LARGE1: variants seen among roughly 807,000 people sequenced by gnomAD.
LARGE1 encodes the protein LARGE xylosyl- and glucuronyltransferase 1, also known as xylosyl- and glucuronyltransferase LARGE1.
Under a neutral mutation model 87.6 loss-of-function variants are expected in LARGE1, and 43 were observed. The ratio of observed to expected loss-of-function variants is 0.49; its 90% confidence interval spans 0.38 to 0.63. The LOEUF is 0.63. LARGE1 is among the 30% of genes least tolerant of loss of function. The pLI is 0.00. For missense variants in LARGE1, 802 were observed against 1,000.2 expected (o/e 0.80, Z 2.67); for synonymous variants, 434 against 394.6 (o/e 1.10, Z -1.18).
intron 11 of LARGE1, among the ~76,000 whole-genome samples, chr22:33,184,446 CT>C (rs1208829176): frequency 6.6e-6 from 1 of 151,316 alleles, no homozygotes; most frequent in East Asian, 1.9e-4. Flanking sequence ...TAAAGTAGTT[CT>C]TTACAAAGTT....
At chr22:33,640,333 T>G (rs183629812) in intron 3 of LARGE1, among the ~76,000 whole-genome samples, 3 of 152,300 alleles carry the variant, frequency 2.0e-5, no homozygotes, top group African/African-American at 7.2e-5. Flanking sequence ...GTGCATCTAT[T>G]GGAGGTTCTG....
the LARGE1 span, among the ~76,000 whole-genome samples, chr22:33,156,528 T>C: frequency 1.3e-5 from 2 of 152,208 alleles, no homozygotes; most frequent in African/African-American, 2.4e-5. Context: ...GGACAATTTC[T>C]CCCATTTGGA....
chr22:33,600,121 C>T (rs1030791801), intron 5 of LARGE1, among the ~76,000 whole-genome samples: 3 of 152,110 alleles, frequency 2.0e-5, no homozygotes, highest in Non-Finnish European at 2.9e-5. Context: ...GATAAAGAAA[C>T]GTGAATTCCT....
chr22:33,508,252 G>A (rs1233846622), intron 6 of LARGE1, among the ~76,000 whole-genome samples: 1 of 152,106 alleles, frequency 6.6e-6, no homozygotes, highest in East Asian at 1.9e-4. Context: ...GACTCTACTG[G>A]TGGGTGTCAC....
intron 11 of LARGE1, among the ~76,000 whole-genome samples, chr22:33,214,871 G>A (rs943294766): frequency 1.3e-5 from 2 of 152,124 alleles, no homozygotes; most frequent in Non-Finnish European, 2.9e-5. Flanking sequence ...GCCTCAGCTG[G>A]GACAGCTGAG....
intron 2 of LARGE1, among the ~76,000 whole-genome samples, chr22:33,678,350 C>T (rs1224667152): frequency 1.3e-5 from 2 of 152,120 alleles, no homozygotes; most frequent in East Asian, 3.8e-4. Flanking sequence ...AAGAATTTGA[C>T]CATATATTCT....
chr22:33,086,635 C>T, the LARGE1 span, among the ~76,000 whole-genome samples: 1 of 150,138 alleles, frequency 6.7e-6, no homozygotes, highest in Non-Finnish European at 1.5e-5. Context: ...TCATTGCAAC[C>T]TCTGCCTCCC....
chr22:33,071,252 T>A, the LARGE1 span, among the ~76,000 whole-genome samples: 1 of 152,162 alleles, frequency 6.6e-6, no homozygotes, highest in Non-Finnish European at 1.5e-5. Flanking sequence ...AGACCCCACT[T>A]TGGGAAGAGG....
At chr22:33,185,625 G>C (rs1384122348) in intron 11 of LARGE1, among the ~76,000 whole-genome samples, 1 of 152,134 alleles carries the variant, frequency 6.6e-6, no homozygotes, top group African/African-American at 2.4e-5. Context: ...ATGAGATCTT[G>C]AGAGGGAAGA....
At chr22:33,099,445 G>T in the LARGE1 span, among the ~76,000 whole-genome samples, 1 of 152,208 alleles carries the variant, frequency 6.6e-6, no homozygotes, top group East Asian at 1.9e-4. Flanking sequence ...TAGAGACAGG[G>T]TTTCTCCATG....
chr22:33,357,810 T>C (rs1318774749), intron 9 of LARGE1, among the ~76,000 whole-genome samples: 1 of 152,088 alleles, frequency 6.6e-6, no homozygotes, highest in Non-Finnish European at 1.5e-5. Context: ...AAAAAAAAAT[T>C]ATACAAAAAA....
At chr22:33,097,229 T>C in the LARGE1 span, among the ~76,000 whole-genome samples, 1,022 of 152,204 alleles carry the variant, frequency 6.7e-3, 6 homozygotes, top group Non-Finnish European at 0.011. Context: ...TTCAGGGGAT[T>C]AGAAAAGAAA....
chr22:33,876,824 A>AAAAT (rs941966911), intron 1 of LARGE1, among the ~76,000 whole-genome samples: 1 of 152,036 alleles, frequency 6.6e-6, no homozygotes, highest in Non-Finnish European at 1.5e-5. Context: ...ACAACATAAA[A>AAAAT]AAATAAATAA....
chr22:33,909,586 A>G (rs2065566113), intron 1 of LARGE1, among the ~76,000 whole-genome samples: 1 of 150,582 alleles, frequency 6.6e-6, no homozygotes, highest in African/African-American at 2.4e-5. Flanking sequence ...TCCAGGCTGG[A>G]GGAGTGCAGT....
At chr22:33,124,395 A>AGGAAGGAAGGAAGGGAGG in the LARGE1 span, among the ~76,000 whole-genome samples, 1 of 148,038 alleles carries the variant, frequency 6.8e-6, no homozygotes, top group African/African-American at 2.5e-5. Flanking sequence ...GGAGGAAGGA[A>AGGAAGGAAGGAAGGGAGG]AATGATGGCT....
In LARGE1 at chr22:33,304,432, C is replaced by T. The variant is rs1934589949; in HGVS notation, c.1527G>A (p.Glu509=). ...ISLALYLSDA[E]AQQFLRYAQG... is the part of the protein sequence containing the mutation. ...GTGCGTAGCGGAGGAACTGCTGGGC[C>T]TCGGCGTCTGACAGGTAGAGGGCCA... The change falls in exon 12 of 15, where the codon GAG becomes GAA. Residue 509 remains glutamate, a synonymous_variant. Transcript: ENST00000397394. The T allele has an allele frequency of 6.2e-7, 1 of 1,614,026 alleles. No individual in the cohort carries two copies. The highest frequency in any genetic ancestry group is 1.1e-5 in the South Asian group (1 of 91,084).
chr22:33,883,197 C>G (rs1316576865), intron 1 of LARGE1, among the ~76,000 whole-genome samples: 1 of 152,170 alleles, frequency 6.6e-6, no homozygotes, highest in Non-Finnish European at 1.5e-5. Context: ...CCTCCAGCAC[C>G]CACAGTGTCG....
chr22:33,559,908 C>T (rs540186155), intron 6 of LARGE1, among the ~76,000 whole-genome samples: 3 of 152,256 alleles, frequency 2.0e-5, no homozygotes, highest in East Asian at 1.9e-4. Context: ...CTCTGAATGC[C>T]TAGATCGCCT....
exon 12 of LARGE1, chr22:33,165,695 T>C (rs1602031680): frequency 6.6e-6 from 1 of 152,216 alleles, no homozygotes; most frequent in South Asian, 2.1e-4. Context: ...ACATCCCTTT[T>C]ATCTCTGATA....
Sources: gnomAD v4.1 joint callset for allele counts (sites outside exome capture counted in the v4.1 genomes callset) on GRCh38, gnomAD v4.1.1 for gene constraint, MANE v1.5 for transcripts, NCBI Gene and HGNC (gene_info 2026-07-23, HGNC 2026-07-21) for gene names.